Variants in EIF4G3 observed in about 807,000 individuals in gnomAD.
EIF4G3 encodes the protein eukaryotic translation initiation factor 4 gamma 3, also known as eIF-4-gamma 3.
In EIF4G3, 34 loss-of-function variants were observed where a neutral mutation model predicts 186.4. The observed-to-expected ratio is 0.18, with a 90% confidence interval of 0.14 to 0.24. EIF4G3 has a LOEUF of 0.24. Among genes scored for constraint, EIF4G3 ranks in the 10% least tolerant of loss-of-function variants. EIF4G3 has a pLI of 1.00. For synonymous variants in EIF4G3, 673 were observed against 679.5 expected, an observed-to-expected ratio of 0.99 and a Z score of 0.15; for missense variants, 1,536 against 1,948.5, an observed-to-expected ratio of 0.79 and a Z score of 3.99.
At chr1:21,041,830 C>T (rs2093600614) in intron 4 of EIF4G3, among the ~76,000 whole-genome samples, 2 of 152,136 alleles carry the variant, frequency 1.3e-5, no homozygotes, top group Admixed American at 1.3e-4. Context: ...AGAAAAGGGT[C>T]CATCAACTGA....
intron 7 of EIF4G3, among the ~76,000 whole-genome samples, chr1:20,995,235 G>A (rs572594651): frequency 2.7e-4 from 41 of 152,136 alleles, no homozygotes; most frequent in Admixed American, 7.9e-4. Context: ...CACTATTATC[G>A]AACCCAAGTA....
At chr1:20,870,949 AT>A (rs1213798284) in intron 20 of EIF4G3, among the ~76,000 whole-genome samples, 1 of 152,180 alleles carries the variant, frequency 6.6e-6, no homozygotes. Context: ...GCAGCTGCAT[AT>A]ATGGATGGAT....
At position 21,151,528 on chromosome 1, in the gene EIF4G3, A is replaced by G. The variant is rs1413571698; in HGVS notation, c.-272+24647T>C. Reference sequence around the variant, plus strand: ...GCTGGGATTACAGGCGTGAGCCACCATGCCCAGCTTTAATGGTTATATAGT... The same window carrying G: ...GCTGGGATTACAGGCGTGAGCCACCGTGCCCAGCTTTAATGGTTATATAGT... On this transcript the variant is annotated intron_variant, in intron 2 of 36. Transcript: ENST00000602326. Among the ~76,000 whole-genome samples, 5 of 151,826 alleles carry G rather than the reference A, an allele frequency of 3.3e-5. No homozygotes were observed. The East Asian group carries it at 7.7e-4, about 23-fold the overall frequency.
intron 2 of EIF4G3, among the ~76,000 whole-genome samples, chr1:21,130,604 C>T (rs2097135520): frequency 2.0e-5 from 3 of 152,054 alleles, no homozygotes; most frequent in African/African-American, 7.2e-5. Context: ...TGCTACTTAT[C>T]TCAGTCTCTA....
chr1:21,052,484 A>G (rs2094280529), intron 3 of EIF4G3, among the ~76,000 whole-genome samples: 1 of 152,222 alleles, frequency 6.6e-6, no homozygotes, highest in African/African-American at 2.4e-5. Flanking sequence ...GATTATGACA[A>G]CAAATGATCT....
chr1:21,052,142 T>C (rs1023449381), intron 3 of EIF4G3, among the ~76,000 whole-genome samples: 2 of 152,224 alleles, frequency 1.3e-5, no homozygotes, highest in East Asian at 1.9e-4. Flanking sequence ...TGTTTTTACG[T>C]AACCAAAAAT....
At chr1:20,893,697 A>G (rs1056045412) in intron 17 of EIF4G3, 61 bp from the exon 18 acceptor site, 15 of 1,423,308 alleles carry the variant, frequency 1.1e-5, no homozygotes, top group African/African-American at 5.8e-5. Flanking sequence ...GCCACAAAAG[A>G]TAACAAAAAT....
At chr1:20,945,233 A>C (rs544541850) in intron 13 of EIF4G3, among the ~76,000 whole-genome samples, 1 of 152,288 alleles carries the variant, frequency 6.6e-6, no homozygotes, top group East Asian at 1.9e-4. Context: ...CAGCTTTAAG[A>C]ATTTTTCTAA....
chr1:20,917,927 TTATA>T (rs71669929), intron 14 of EIF4G3, among the ~76,000 whole-genome samples: 47,001 of 151,814 alleles, frequency 0.31, 8,021 homozygotes, highest in Non-Finnish European at 0.39. Flanking sequence ...GGCTTTAAAA[TTATA>T]TATAGTTATT....
intron 24 of EIF4G3, among the ~76,000 whole-genome samples, chr1:20,859,145 A>G (rs533869091): frequency 6.6e-6 from 1 of 152,312 alleles, no homozygotes; most frequent in South Asian, 2.1e-4. Flanking sequence ...CCTTGTCTCT[A>G]TGACACTTGT....
intron 2 of EIF4G3, among the ~76,000 whole-genome samples, chr1:21,098,543 A>G (rs1350391301): frequency 2.3e-3 from 28 of 11,966 alleles, no homozygotes; most frequent in Admixed American, 9.2e-3. Flanking sequence ...CTGTCTCGAA[A>G]AAAAAAAAAA....
chr1:21,095,200 T>C (rs1000919139), intron 2 of EIF4G3, among the ~76,000 whole-genome samples: 9 of 152,156 alleles, frequency 5.9e-5, no homozygotes, highest in Non-Finnish European at 1.3e-4. Flanking sequence ...ACTTCTACCC[T>C]TCTGTCCAGA....
chr1:20,877,913 T>C (rs1455317808), intron 20 of EIF4G3, among the ~76,000 whole-genome samples: 1 of 152,168 alleles, frequency 6.6e-6, no homozygotes, highest in Non-Finnish European at 1.5e-5. Context: ...GTGCAATCTC[T>C]GCTCACTGCA....
At chr1:20,858,228 G>C (rs2075503745) in intron 24 of EIF4G3, among the ~76,000 whole-genome samples, 1 of 152,120 alleles carries the variant, frequency 6.6e-6, no homozygotes, top group African/African-American at 2.4e-5. Context: ...CAGAGAAAAA[G>C]AGAAGATTCC....
chr1:20,973,970 T>C (rs998966849), intron 10 of EIF4G3, among the ~76,000 whole-genome samples: 4 of 152,180 alleles, frequency 2.6e-5, no homozygotes, highest in Non-Finnish European at 4.4e-5. Context: ...TGCTGATGAA[T>C]TGGATACTGG....
At chr1:21,105,154 G>A (rs1294659036) in intron 2 of EIF4G3, among the ~76,000 whole-genome samples, 5 of 152,192 alleles carry the variant, frequency 3.3e-5, no homozygotes, top group Non-Finnish European at 5.9e-5. Context: ...CAGGTGCGTT[G>A]GCTCACGCCT....
chr1:20,975,846 A>AT (rs1173625737), intron 10 of EIF4G3, among the ~76,000 whole-genome samples: 1 of 151,884 alleles, frequency 6.6e-6, no homozygotes, highest in Non-Finnish European at 1.5e-5. Context: ...ACCACTATTT[A>AT]TTTTTTTAAA....
At chr1:20,813,342 T>A (rs2059632967) in intron 34 of EIF4G3, 103 bp from the exon 35 acceptor site, 1 of 657,208 alleles carries the variant, frequency 1.5e-6, no homozygotes, top group East Asian at 3.1e-5. Context: ...GACAGGAGGA[T>A]CACTTGAGGC....
chr1:20,876,300 T>TGA (rs1168545300), intron 20 of EIF4G3, among the ~76,000 whole-genome samples: 5 of 140,710 alleles, frequency 3.6e-5, no homozygotes, highest in Admixed American at 7.2e-5. Flanking sequence ...AATGAACATA[T>TGA]GAGAGAGAGA....
Sources: allele counts gnomAD v4.1 joint callset (sites outside exome capture counted in the v4.1 genomes callset), GRCh38; gene constraint gnomAD v4.1.1; transcripts MANE v1.5; gene names NCBI Gene and HGNC (gene_info 2026-07-23, HGNC 2026-07-21).